ASTN2: variants seen among roughly 807,000 people sequenced by gnomAD.
The protein encoded by ASTN2 is astrotactin-2.
A neutral mutation model predicts 139.8 loss-of-function variants in ASTN2; 54 were observed. The observed-to-expected ratio is 0.39, with a 90% confidence interval of 0.31 to 0.48. The LOEUF (loss-of-function observed/expected upper bound fraction) is 0.48. ASTN2 is among the 20% of genes least tolerant of loss of function. The probability of loss-of-function intolerance (pLI) is 0.95; values close to 1 mark genes in which losing one functional copy is unlikely to be tolerated. For missense variants in ASTN2, 1,565 were observed against 1,725.1 expected (o/e 0.91, Z 1.64); for synonymous variants, 756 against 719.5 (o/e 1.05, Z -0.81).
chr9:116,763,445 C>T (rs1179028064), intron 13 of ASTN2, among the ~76,000 whole-genome samples: 3 of 152,112 alleles, frequency 2.0e-5, no homozygotes, highest in Non-Finnish European at 1.5e-5. Context: ...CCACTCAGCG[C>T]CCCCGAAAAC....
intron 4 of ASTN2, among the ~76,000 whole-genome samples, chr9:117,118,448 C>T (rs907115831): frequency 6.6e-6 from 1 of 151,490 alleles, no homozygotes; most frequent in Non-Finnish European, 1.5e-5. Context: ...TTCTCATCAC[C>T]TCCACAGCTG....
At position 117,143,885 on chromosome 9, in the gene ASTN2, G is replaced by C. The variant is rs144756602; in HGVS notation, c.1016-2407C>G. On this transcript the variant is annotated intron_variant, in intron 3 of 22. Coordinates refer to ENST00000313400, the MANE Select transcript of ASTN2 (RefSeq NM_001365068.1). ...CAATCAGATCAGGGCCCCTTCTTAT[G>C]ACCTCATTTAACTTTAATTACCTCC... Among the ~76,000 whole-genome samples the C allele has an allele frequency of 3.2e-3, 483 of 152,074 alleles. 3 individuals are homozygous for C. Among genetic ancestry groups the C allele is most frequent in the African/African-American group, 0.011 (453 of 41,486 alleles).
At chr9:116,632,128 A>AAG (rs145360209) in intron 17 of ASTN2, among the ~76,000 whole-genome samples, 4,010 of 47,814 alleles carry the variant, frequency 0.084, 297 homozygotes, top group East Asian at 0.2. Flanking sequence ...AAAGAAAAAG[A>AAG]AGAGAGAGAG....
intron 2 of ASTN2, among the ~76,000 whole-genome samples, chr9:117,263,567 G>A (rs1023839553): frequency 6.6e-5 from 10 of 152,138 alleles, no homozygotes; most frequent in Middle Eastern, 3.4e-3. Context: ...TGATTCTTAC[G>A]TCCTGAGGCC....
intron 5 of ASTN2, among the ~76,000 whole-genome samples, chr9:117,079,597 C>T (rs1255836425): frequency 6.6e-6 from 1 of 152,102 alleles, no homozygotes; most frequent in Non-Finnish European, 1.5e-5. Context: ...GGTCTAGAAC[C>T]CTTTTCAACT....
intron 16 of ASTN2, among the ~76,000 whole-genome samples, chr9:116,720,943 G>A (rs1010616148): frequency 1.3e-5 from 2 of 152,076 alleles, no homozygotes; most frequent in African/African-American, 4.8e-5. Context: ...GGGTCACAAC[G>A]ATGACAAGGG....
chr9:116,526,222 T>C (rs1851083229), intron 19 of ASTN2, among the ~76,000 whole-genome samples: 1 of 152,212 alleles, frequency 6.6e-6, no homozygotes. Context: ...TCTATATGCA[T>C]GTGCACCACA....
intron 3 of ASTN2, among the ~76,000 whole-genome samples, chr9:117,160,588 T>C (rs1459734877): frequency 1.3e-5 from 2 of 152,080 alleles, no homozygotes; most frequent in Non-Finnish European, 2.9e-5. Context: ...TATATTTATT[T>C]TTATTATTTT....
In ASTN2 at chr9:117,321,124, C is replaced by T. The variant is rs967407688; in HGVS notation, c.443-29611G>A. Among the ~76,000 whole-genome samples, 6 of 152,170 alleles carry T rather than the reference C, an allele frequency of 3.9e-5. No homozygotes were observed. The East Asian group carries it at 7.7e-4, about 20-fold the overall frequency. ...CTTCTAGCCCAGGTGGTGAGAGAAA[C>T]ACGCCTGCCTAAATTCATAGGAAGG... On this transcript the variant is annotated intron_variant, in intron 1 of 22. Coordinates refer to ENST00000313400, the MANE Select transcript of ASTN2 (RefSeq NM_001365068.1).
chr9:116,748,773 G>A (rs777188846), intron 13 of ASTN2, among the ~76,000 whole-genome samples: 1 of 152,154 alleles, frequency 6.6e-6, no homozygotes, highest in East Asian at 1.9e-4. Flanking sequence ...AGGGAGCCAG[G>A]ATGTCCAAGT....
At chr9:117,202,679 T>G (rs1376575091) in intron 3 of ASTN2, among the ~76,000 whole-genome samples, 1 of 152,178 alleles carries the variant, frequency 6.6e-6, no homozygotes, top group East Asian at 1.9e-4. Flanking sequence ...TCTTCTGGCT[T>G]GTAGAGTTTC....
At position 116,426,153 on chromosome 9, in the gene ASTN2, A is replaced by G. The variant is rs923623031; in HGVS notation, c.3783-65T>C. The G allele has an allele frequency of 3.2e-6, 5 of 1,576,364 alleles. No homozygotes were observed. In the African/African-American group the frequency reaches 6.7e-5, roughly 21 times the overall value. On this transcript the variant is annotated intron_variant, in intron 22 of 22. Transcript: ENST00000313400. ...AGATCAAGAGTTAGACCTTTGAGGTAGTAAATGTCAACAAACAAATGGTAA... is the reference window on the plus strand; with the variant it reads ...AGATCAAGAGTTAGACCTTTGAGGTGGTAAATGTCAACAAACAAATGGTAA...
At chr9:116,750,409 T>G (rs2132152623) in intron 13 of ASTN2, among the ~76,000 whole-genome samples, 1 of 152,328 alleles carries the variant, frequency 6.6e-6, no homozygotes, top group South Asian at 2.1e-4. Flanking sequence ...TGAAAGTTTC[T>G]TCTTCCCTTT....
intron 1 of ASTN2, among the ~76,000 whole-genome samples, chr9:117,357,555 G>A (rs1254672837): frequency 6.6e-6 from 1 of 151,878 alleles, no homozygotes; most frequent in Non-Finnish European, 1.5e-5. Flanking sequence ...ACTCCTGGAT[G>A]CAGGTGAGCA....
intron 19 of ASTN2, among the ~76,000 whole-genome samples, chr9:116,502,726 GGAAGGAATGAATGAATGAAT>G (rs1262866176): frequency 8.3e-4 from 28 of 33,740 alleles, no homozygotes; most frequent in African/African-American, 1.8e-3. Flanking sequence ...AAGGAAGGAA[GGAAGGAATGAATGAATGAAT>G]GAGGGAAGGA....
At chr9:117,155,693 C>T (rs548222643) in intron 3 of ASTN2, among the ~76,000 whole-genome samples, 19 of 152,054 alleles carry the variant, frequency 1.2e-4, no homozygotes, top group African/African-American at 4.3e-4. Context: ...TATCCTTTAT[C>T]TGTCACCTAT....
rs373229643 is a variant in ASTN2 at position 116,579,109 on chromosome 9, C to T, written c.3355+39215G>A. On this transcript the variant is annotated intron_variant, in intron 19 of 22. Transcript: ENST00000313400. Reference sequence around the variant, plus strand: ...ACAGCCTCCAAGTATTGATTTGCTACTGTGGGATGACTACACCCACTAACT... The same window carrying T: ...ACAGCCTCCAAGTATTGATTTGCTATTGTGGGATGACTACACCCACTAACT... The T allele has an allele frequency of 7.9e-5, 12 of 152,200 alleles. No individual in the cohort carries two copies. In the East Asian group the frequency reaches 1.2e-3, roughly 15 times the overall value. The allele number at this position is 152,200 out of a possible 1,614,324, so 9.4% of individuals were successfully genotyped here.
chr9:116,531,415 G>A (rs867565733), intron 19 of ASTN2, among the ~76,000 whole-genome samples: 6 of 152,114 alleles, frequency 3.9e-5, no homozygotes, highest in Non-Finnish European at 5.9e-5. Context: ...TATGCACAAC[G>A]TGCAGGTTTG....
At chr9:116,997,486 A>T (rs1837059478) in intron 7 of ASTN2, among the ~76,000 whole-genome samples, 1 of 152,058 alleles carries the variant, frequency 6.6e-6, no homozygotes, top group South Asian at 2.1e-4. Flanking sequence ...TGTTTTTTTC[A>T]AGTCAACTTA....
Sources: gnomAD v4.1 joint callset for allele counts (sites outside exome capture counted in the v4.1 genomes callset) on GRCh38, gnomAD v4.1.1 for gene constraint, MANE v1.5 for transcripts, NCBI Gene and HGNC (gene_info 2026-07-23, HGNC 2026-07-21) for gene names.